The following RNF216 variants were observed in gnomAD, a reference collection of about 807,000 sequenced individuals.
RNF216 encodes ring finger protein 216.
RNF216 carries 72 observed loss-of-function variants against 110.8 expected under a neutral mutation model. The ratio of observed to expected loss-of-function variants is 0.65; its 90% CI spans 0.54 to 0.79. RNF216 has a LOEUF of 0.79. RNF216 is among the 30% of genes least tolerant of loss of function. The pLI is 0.00. For missense variants in RNF216, 1,342 were observed against 1,141.2 expected (o/e 1.18, Z -2.54); for synonymous variants, 495 against 407.5 (o/e 1.21, Z -2.59).
intron 2 of RNF216, among the ~76,000 whole-genome samples, chr7:5,758,141 TAAAG>T (rs1795746743): frequency 6.6e-6 from 1 of 152,326 alleles, no homozygotes; most frequent in East Asian, 1.9e-4. Flanking sequence ...TAGTTGTTCT[TAAAG>T]AAACTGTTCA....
chr7:5,715,305 C>A, intron 10 of RNF216, 115 bp from the exon 11 acceptor site: 6 of 951,156 alleles, frequency 6.3e-6, no homozygotes, highest in Non-Finnish European at 9.6e-6. Context: ...GTAAAGCAAC[C>A]CATTTTAGGG....
chr7:5,725,512 T>A (rs1449169031), intron 7 of RNF216, 74 bp from the exon 8 acceptor site: 2 of 867,754 alleles, frequency 2.3e-6, no homozygotes, highest in Non-Finnish European at 3.8e-6. Flanking sequence ...AATCCCTGAA[T>A]GCCATTTTAA....
At chr7:5,729,651 G>C (rs1441114446) in intron 6 of RNF216, 55 bp from the exon 7 acceptor site, 14 of 1,394,858 alleles carry the variant, frequency 1.0e-5, no homozygotes, top group Non-Finnish European at 1.0e-5. Context: ...TTCCCATACA[G>C]GGGAAATCAT....
chr7:5,654,149 G>A (rs1788582631), intron 13 of RNF216, among the ~76,000 whole-genome samples: 2 of 152,208 alleles, frequency 1.3e-5, no homozygotes, highest in African/African-American at 4.8e-5. Flanking sequence ...GAGAGGCCAT[G>A]AAGGCCCAGA....
intron 13 of RNF216, among the ~76,000 whole-genome samples, chr7:5,677,885 T>C (rs1790405673): frequency 6.6e-6 from 1 of 152,222 alleles, no homozygotes. Context: ...AACAGCTCTT[T>C]GCTCTCTTCC....
At chr7:5,688,141 G>A (rs1406081524) in intron 13 of RNF216, among the ~76,000 whole-genome samples, 1 of 152,208 alleles carries the variant, frequency 6.6e-6, no homozygotes, top group Non-Finnish European at 1.5e-5. Flanking sequence ...GGCTGGTGGG[G>A]ACACCAGGCT....
At chr7:5,723,563 C>G (rs986199383) in intron 8 of RNF216, among the ~76,000 whole-genome samples, 1 of 151,802 alleles carries the variant, frequency 6.6e-6, no homozygotes, top group Non-Finnish European at 1.5e-5. Context: ...AGGAGAATGG[C>G]GTGAACCCAG....
chr7:5,704,966 G>A (rs2128623635), intron 13 of RNF216, among the ~76,000 whole-genome samples: 1 of 152,212 alleles, frequency 6.6e-6, no homozygotes, highest in East Asian at 1.9e-4. Flanking sequence ...TCTCTCCACT[G>A]CAAAACGTTG....
chr7:5,646,570 G>A (rs1788061006), intron 14 of RNF216, among the ~76,000 whole-genome samples: 1 of 151,690 alleles, frequency 6.6e-6, no homozygotes, highest in African/African-American at 2.4e-5. Flanking sequence ...GCACACAACT[G>A]TAGTCCCAGC....
At chr7:5,676,872 C>G (rs758985699) in intron 13 of RNF216, among the ~76,000 whole-genome samples, 35 of 152,334 alleles carry the variant, frequency 2.3e-4, no homozygotes, top group Non-Finnish European at 4.7e-4. Flanking sequence ...GGGTCTATGA[C>G]CAGGTGTGCA....
intron 13 of RNF216, among the ~76,000 whole-genome samples, chr7:5,660,799 G>C (rs779402624): frequency 6.6e-6 from 1 of 151,342 alleles, no homozygotes; most frequent in African/African-American, 2.4e-5. Flanking sequence ...CAAACTCCTG[G>C]AGTCAAGCAA....
intron 8 of RNF216, among the ~76,000 whole-genome samples, chr7:5,724,891 T>G (rs1415654707): frequency 6.6e-6 from 1 of 152,174 alleles, no homozygotes; most frequent in Non-Finnish European, 1.5e-5. Context: ...TCAATAAGAA[T>G]GACAGAATTT....
At chr7:5,737,801 A>G (rs1233152057) in intron 5 of RNF216, among the ~76,000 whole-genome samples, 1 of 152,088 alleles carries the variant, frequency 6.6e-6, no homozygotes, top group Non-Finnish European at 1.5e-5. Context: ...GTTTAAATTT[A>G]CCACCAGGCT....
At chr7:5,743,947 T>A (rs1794902476) in intron 3 of RNF216, among the ~76,000 whole-genome samples, 1 of 152,174 alleles carries the variant, frequency 6.6e-6, no homozygotes, top group Non-Finnish European at 1.5e-5. Context: ...AGAAACAACA[T>A]CATACAGAAT....
intron 13 of RNF216, among the ~76,000 whole-genome samples, chr7:5,653,188 C>T (rs1005359642): frequency 6.6e-6 from 1 of 152,156 alleles, no homozygotes; most frequent in Non-Finnish European, 1.5e-5. Flanking sequence ...TTAAAAGTTT[C>T]ACTTCATATA....
At chr7:5,718,597 A>T (rs924505638) in intron 9 of RNF216, among the ~76,000 whole-genome samples, 1 of 147,240 alleles carries the variant, frequency 6.8e-6, no homozygotes, top group Non-Finnish European at 1.5e-5. Context: ...CCCAGGCTGG[A>T]GTGCAGTGGC....
intron 1 of RNF216, among the ~76,000 whole-genome samples, chr7:5,774,772 T>A (rs1381590430): frequency 6.6e-6 from 1 of 151,652 alleles, no homozygotes; most frequent in East Asian, 1.9e-4. Flanking sequence ...TTTTTTTTTT[T>A]ATTGAGACGA....
chr7:5,755,756 C>T (rs1419895270), intron 2 of RNF216, among the ~76,000 whole-genome samples: 1 of 152,120 alleles, frequency 6.6e-6, no homozygotes, highest in Non-Finnish European at 1.5e-5. Flanking sequence ...CTATTGTGAA[C>T]ATTCTTGTGC....
At chr7:5,771,947 C>A (rs1796519553) in intron 1 of RNF216, among the ~76,000 whole-genome samples, 1 of 151,910 alleles carries the variant, frequency 6.6e-6, no homozygotes, top group Admixed American at 6.6e-5. Context: ...ACTAAAACCA[C>A]AAGGGGCCGG....
Sources: gnomAD v4.1 joint callset for allele counts (sites outside exome capture counted in the v4.1 genomes callset) on GRCh38, gnomAD v4.1.1 for gene constraint, MANE v1.5 for transcripts, NCBI Gene and HGNC (gene_info 2026-07-23, HGNC 2026-07-21) for gene names.